Variants in NELL2 observed in about 807,000 individuals in gnomAD.
NELL2 encodes the protein protein kinase C-binding protein NELL2.
NELL2 carries 41 observed loss-of-function variants against 109.6 expected under a neutral mutation model. That is an observed-to-expected ratio of 0.37 (90% CI 0.29 to 0.49). NELL2 has a LOEUF of 0.49. NELL2 is among the 20% of genes least tolerant of loss of function. NELL2 has a pLI of 0.98. For missense variants in NELL2, 900 were observed against 1,008.3 expected (o/e 0.89, Z 1.45); for synonymous variants, 355 against 344.7 (o/e 1.03, Z -0.33).
chr12:44,531,391 G>A (rs1052023297), intron 16 of NELL2, among the ~76,000 whole-genome samples: 4 of 152,128 alleles, frequency 2.6e-5, no homozygotes, highest in Admixed American at 2.0e-4. Flanking sequence ...TATAATCTGT[G>A]GTTCCTGGCA....
chr12:44,834,271 T>C (rs1943977860), intron 2 of NELL2, among the ~76,000 whole-genome samples: 2 of 152,168 alleles, frequency 1.3e-5, no homozygotes, highest in Admixed American at 1.3e-4. Context: ...AAACACATAC[T>C]CTAATTTTGT....
intron 13 of NELL2, among the ~76,000 whole-genome samples, chr12:44,654,368 G>A (rs919480751): frequency 2.6e-5 from 4 of 152,062 alleles, no homozygotes; most frequent in African/African-American, 7.2e-5. Context: ...CAGTTTATCT[G>A]TACTTGGCTG....
intron 9 of NELL2, among the ~76,000 whole-genome samples, chr12:44,727,210 G>T (rs1374785572): frequency 6.6e-6 from 1 of 152,046 alleles, no homozygotes; most frequent in East Asian, 1.9e-4. Context: ...TATCTGTGTG[G>T]AATCCAAACA....
chr12:44,620,208 A>G (rs1212623261), intron 13 of NELL2, among the ~76,000 whole-genome samples: 1 of 151,512 alleles, frequency 6.6e-6, no homozygotes, highest in African/African-American at 2.4e-5. Context: ...AACAAAATGT[A>G]CTCTATTGAT....
chr12:44,875,788 C>T (rs764517675), intron 1 of NELL2, 27 bp downstream of exon 1: 19 of 1,612,814 alleles, frequency 1.2e-5, no homozygotes, highest in Non-Finnish European at 6.8e-6. Flanking sequence ...CATCCCTTTC[C>T]CCAGCCCCAG....
intron 1 of NELL2, among the ~76,000 whole-genome samples, chr12:44,892,797 C>CAAAAAAAAAAAAAAAAAAA (rs57230571): frequency 3.5e-5 from 2 of 57,768 alleles, no homozygotes; most frequent in Non-Finnish European, 7.1e-5. Flanking sequence ...GACTCTGTCT[C>CAAAAAAAAAAAAAAAAAAA]AAAAAAAAAA....
intron 13 of NELL2, among the ~76,000 whole-genome samples, chr12:44,658,092 A>G (rs1947580049): frequency 6.6e-6 from 1 of 152,218 alleles, no homozygotes; most frequent in African/African-American, 2.4e-5. Flanking sequence ...TTACACTCCC[A>G]TCAACAGTGT....
At chr12:44,646,444 T>C (rs1371402600) in intron 13 of NELL2, among the ~76,000 whole-genome samples, 1 of 152,232 alleles carries the variant, frequency 6.6e-6, no homozygotes, top group Admixed American at 6.5e-5. Flanking sequence ...CCAAACCCTA[T>C]ATCTGCTATG....
intron 2 of NELL2, among the ~76,000 whole-genome samples, chr12:44,869,721 C>T (rs1049618025): frequency 1.3e-5 from 2 of 152,152 alleles, no homozygotes; most frequent in South Asian, 2.1e-4. Context: ...TAACTGAATA[C>T]TCTGACCTTT....
At chr12:44,576,680 C>T (rs1447553204) in intron 15 of NELL2, among the ~76,000 whole-genome samples, 2 of 152,124 alleles carry the variant, frequency 1.3e-5, no homozygotes, top group African/African-American at 4.8e-5. Context: ...GGTATATCTC[C>T]CAATGCTATT....
At chr12:44,704,847 C>G (rs184110100) in intron 11 of NELL2, among the ~76,000 whole-genome samples, 85 of 151,630 alleles carry the variant, frequency 5.6e-4, no homozygotes, top group Admixed American at 1.5e-3. Flanking sequence ...GGTGAAACCC[C>G]GTCTGTACTA....
intron 18 of NELL2, among the ~76,000 whole-genome samples, chr12:44,521,509 G>T (rs975614484): frequency 2.2e-5 from 3 of 137,834 alleles, no homozygotes; most frequent in Non-Finnish European, 4.5e-5. Flanking sequence ...CAGCCTGGGC[G>T]ACAGAGCGAG....
intron 1 of NELL2, among the ~76,000 whole-genome samples, chr12:44,909,170 C>T (rs989068202): frequency 1.3e-5 from 2 of 151,824 alleles, no homozygotes; most frequent in East Asian, 3.9e-4. Context: ...TGATTCTATA[C>T]CTAGAAAACT....
intron 2 of NELL2, among the ~76,000 whole-genome samples, chr12:44,820,123 T>A (rs943620593): frequency 6.6e-6 from 1 of 152,258 alleles, no homozygotes; most frequent in South Asian, 2.1e-4. Flanking sequence ...CAGTTTTCGG[T>A]TCTCTGTCCA....
intron 2 of NELL2, among the ~76,000 whole-genome samples, chr12:44,853,674 CTTACA>C: frequency 6.6e-6 from 1 of 152,222 alleles, no homozygotes; most frequent in Non-Finnish European, 1.5e-5. Context: ...AACACTAATA[CTTACA>C]TTACAACAGA....
chr12:44,802,887 G>T (rs1442894241), intron 3 of NELL2, among the ~76,000 whole-genome samples: 1 of 152,010 alleles, frequency 6.6e-6, no homozygotes, highest in African/African-American at 2.4e-5. Context: ...GTAAAGGCAG[G>T]TGGGTGAAGG....
intron 1 of NELL2, among the ~76,000 whole-genome samples, chr12:44,889,474 C>T (rs893222743): frequency 3.9e-5 from 6 of 151,958 alleles, no homozygotes; most frequent in Admixed American, 2.0e-4. Flanking sequence ...CAATACACTA[C>T]GGTACTTAAT....
intron 9 of NELL2, among the ~76,000 whole-genome samples, chr12:44,756,486 T>G (rs977831947): frequency 6.6e-6 from 1 of 152,060 alleles, no homozygotes; most frequent in Non-Finnish European, 1.5e-5. Context: ...CCAAATGTAT[T>G]GCAAAAAGCA....
rs1566555814 is a variant in NELL2 at position 44,864,082 on chromosome 12, A to G, written c.184+11143T>C. Among the ~76,000 whole-genome samples, 3 of 152,284 alleles carry G rather than the reference A, an allele frequency of 2.0e-5. No homozygotes were observed. In the South Asian group the frequency reaches 6.2e-4, roughly 32 times the overall value. ...AATAGATACATAAAAGATAAAAGGA[A>G]AGGAATCAAAGCATACCACCAGAGG... On this transcript the variant is annotated intron_variant, in intron 2 of 19. Coordinates refer to ENST00000429094, the MANE Select transcript of NELL2 (RefSeq NM_001145108.2).
Sources: gnomAD v4.1 joint callset for allele counts (sites outside exome capture counted in the v4.1 genomes callset) on GRCh38, gnomAD v4.1.1 for gene constraint, MANE v1.5 for transcripts, NCBI Gene and HGNC (gene_info 2026-07-23, HGNC 2026-07-21) for gene names.